The following CCDC171 variants were observed in gnomAD, a reference collection of about 807,000 sequenced individuals.
The protein encoded by CCDC171 is coiled-coil domain containing 171, also known as coiled-coil domain-containing protein 171.
In CCDC171, 177 loss-of-function variants were observed where a neutral mutation model predicts 168.2. The observed-to-expected ratio is 1.05, with a 90% CI of 0.93 to 1.19. The LOEUF (loss-of-function observed/expected upper bound fraction) is 1.19, where lower values mean the gene tolerates loss of function less well. CCDC171 is among the 50% of genes most tolerant of loss of function. CCDC171 has a pLI of 0.00. For synonymous variants in CCDC171, 687 were observed against 540.8 expected (o/e 1.27, Z -3.75); for missense variants, 1,991 against 1,539.0 (o/e 1.29, Z -4.91).
chr9:15,830,633 A>C (rs1332427843), intron 21 of CCDC171, among the ~76,000 whole-genome samples: 4 of 152,210 alleles, frequency 2.6e-5, no homozygotes, highest in South Asian at 4.1e-4. Flanking sequence ...CCGTAATGTC[A>C]AAAAGGAGAT....
chr9:15,723,665 CATGA>C lies in CCDC171; in HGVS notation c.1426-11_1426-8del. ...ATATTTTCTTTCATCAGCTAAACAG[CATGA>C]ATGATGTTAAGGAAAAGGCATGTAA... On this transcript the variant is annotated splice_polypyrimidine_tract_variant and intron_variant, in intron 12 of 25. Transcript: ENST00000380701. 1 of 1,579,950 alleles carries C rather than the reference CATGA, an allele frequency of 6.3e-7. No homozygotes were observed. Among genetic ancestry groups the C allele is most frequent in the African/African-American group, 1.4e-5 (1 of 73,498 alleles).
At chr9:15,891,925 G>A (rs1364685353) in intron 24 of CCDC171, among the ~76,000 whole-genome samples, 1 of 152,064 alleles carries the variant, frequency 6.6e-6, no homozygotes. Flanking sequence ...GGGAGCCTAT[G>A]GGACGCATGA....
chr9:16,006,314 T>A (rs904477499), intron 3 of CCDC171, among the ~76,000 whole-genome samples: 21 of 152,214 alleles, frequency 1.4e-4, no homozygotes, highest in Admixed American at 1.3e-4. Flanking sequence ...GAAGTGTATC[T>A]TTTGGTTTTG....
intron 16 of CCDC171, among the ~76,000 whole-genome samples, chr9:15,741,209 C>T (rs904654511): frequency 6.6e-6 from 1 of 152,150 alleles, no homozygotes; most frequent in Non-Finnish European, 1.5e-5. Flanking sequence ...CACAGTATTG[C>T]ACAACCATCA....
At chr9:16,061,408 C>T (rs1833929381), downstream of CCDC171, 1 of 152,204 alleles carries the variant, frequency 6.6e-6, no homozygotes, top group African/African-American at 2.4e-5. Context: ...GAGTCTTAAT[C>T]TATTAGATCC....
upstream of CCDC171, among the ~76,000 whole-genome samples, chr9:16,042,521 A>C (rs542366320): frequency 6.6e-6 from 1 of 152,330 alleles, no homozygotes; most frequent in East Asian, 1.9e-4. Flanking sequence ...TTCCTGTGCT[A>C]AATAAAGTGA....
chr9:16,094,492 G>A, the CCDC171 span, among the ~76,000 whole-genome samples: 1 of 152,178 alleles, frequency 6.6e-6, no homozygotes, highest in African/African-American at 2.4e-5. Flanking sequence ...AGGCCCAGCA[G>A]AACCTGATGA....
intron 21 of CCDC171, among the ~76,000 whole-genome samples, chr9:15,814,324 T>A (rs1165286594): frequency 6.6e-6 from 1 of 152,200 alleles, no homozygotes; most frequent in African/African-American, 2.4e-5. Flanking sequence ...ATATTTCATG[T>A]TTGTTTCATC....
chr9:15,902,528 A>T (rs999422532), intron 24 of CCDC171, among the ~76,000 whole-genome samples: 1 of 152,132 alleles, frequency 6.6e-6, no homozygotes, highest in Admixed American at 6.5e-5. Flanking sequence ...GCATTCTTGC[A>T]TTGCTATAAA....
intron 24 of CCDC171, among the ~76,000 whole-genome samples, chr9:15,902,275 TATATATAC>T (rs1563967349): frequency 8.0e-5 from 8 of 99,986 alleles, no homozygotes; most frequent in African/African-American, 2.5e-4. Flanking sequence ...TATATATATA[TATATATAC>T]ACACACACAC....
intron 3 of CCDC171, among the ~76,000 whole-genome samples, chr9:15,992,755 A>G (rs1232710195): frequency 6.6e-6 from 1 of 152,242 alleles, no homozygotes; most frequent in African/African-American, 2.4e-5. Flanking sequence ...GTCTCAGGAT[A>G]CATAATCAAT....
chr9:15,710,597 G>A (rs910869391), intron 11 of CCDC171, among the ~76,000 whole-genome samples: 1 of 151,152 alleles, frequency 6.6e-6, no homozygotes, highest in Non-Finnish European at 1.5e-5. Flanking sequence ...CACTGTGCCA[G>A]GCCCTCTTTC....
intron 24 of CCDC171, among the ~76,000 whole-genome samples, chr9:15,894,970 A>T (rs571309156): frequency 1.3e-5 from 2 of 152,270 alleles, no homozygotes; most frequent in East Asian, 3.9e-4. Context: ...TTTGTTGAAT[A>T]TGTTAATGAA....
chr9:15,929,917 T>A (rs1315619657), intron 25 of CCDC171, among the ~76,000 whole-genome samples: 6 of 151,822 alleles, frequency 4.0e-5, no homozygotes, highest in African/African-American at 1.2e-4. Context: ...TGACTCCTTC[T>A]GGTTTTTTTC....
chr9:15,874,544 A>C lies in CCDC171; in HGVS notation c.3481A>C (p.Ile1161Leu). 2 of 1,603,206 alleles carry C rather than the reference A, an allele frequency of 1.2e-6. No homozygotes were observed. Among genetic ancestry groups the C allele is most frequent in the African/African-American group, 1.3e-5 (1 of 74,308 alleles). The part of the protein sequence containing the change: ...ENTLHKVRDQ[I>L]SLSWSAASRN... Reference sequence around the variant, plus strand: ...TTTTTCCCTTTAGGTCAGAGATCAGATCTCGCTGTCATGGTCTGCGGCAAG... The same window carrying C: ...TTTTTCCCTTTAGGTCAGAGATCAGCTCTCGCTGTCATGGTCTGCGGCAAG... Residue 1161 changes from isoleucine (I) to leucine (L), a missense_variant, in exon 24 of 26, where the codon ATC becomes CTC. Ile to Leu is a conservative substitution (Grantham distance 5). Coordinates refer to ENST00000380701, the MANE Select transcript of CCDC171 (RefSeq NM_173550.4).
At chr9:15,626,604 G>C (rs959230708) in intron 7 of CCDC171, among the ~76,000 whole-genome samples, 1 of 152,180 alleles carries the variant, frequency 6.6e-6, no homozygotes, top group Non-Finnish European at 1.5e-5. Context: ...CTGTTTATAT[G>C]ATGGATTACG....
At chr9:15,832,894 C>T (rs2060290412) in intron 21 of CCDC171, among the ~76,000 whole-genome samples, 1 of 135,792 alleles carries the variant, frequency 7.4e-6, no homozygotes, top group African/African-American at 2.8e-5. Flanking sequence ...AAAAGTAAGA[C>T]ATGAATACGC....
intron 4 of CCDC171, among the ~76,000 whole-genome samples, chr9:15,590,687 T>C (rs898574959): frequency 2.0e-5 from 3 of 152,202 alleles, no homozygotes; most frequent in Non-Finnish European, 4.4e-5. Context: ...TAGTCAAATA[T>C]AAAAATTTGT....
At chr9:15,948,890 C>G (rs1449200017) in intron 25 of CCDC171, among the ~76,000 whole-genome samples, 1 of 151,982 alleles carries the variant, frequency 6.6e-6, no homozygotes. Flanking sequence ...GACATGAAGT[C>G]CTTGCCCATG....
Sources: gnomAD v4.1 joint callset for allele counts (sites outside exome capture counted in the v4.1 genomes callset) on GRCh38, gnomAD v4.1.1 for gene constraint, MANE v1.5 for transcripts, NCBI Gene and HGNC (gene_info 2026-07-23, HGNC 2026-07-21) for gene names.